SLC1A2: variants seen among roughly 807,000 people sequenced by gnomAD.
The protein encoded by SLC1A2 is excitatory amino acid transporter 2.
Under a neutral mutation model 48.8 loss-of-function variants are expected in SLC1A2, and 15 were observed. The observed-to-expected ratio is 0.31, with a 90% CI of 0.21 to 0.47. SLC1A2 has a LOEUF of 0.47. SLC1A2 is among the 20% of genes least tolerant of loss of function. SLC1A2 has a pLI of 0.99. For missense variants in SLC1A2, 502 were observed against 730.5 expected, an observed-to-expected ratio of 0.69 and a Z score of 3.61; for synonymous variants, 279 against 272.6, an observed-to-expected ratio of 1.02 and a Z score of -0.23.
intron 1 of SLC1A2, among the ~76,000 whole-genome samples, chr11:35,394,830 G>A (rs1474815839): frequency 6.6e-6 from 1 of 152,234 alleles, no homozygotes; most frequent in Non-Finnish European, 1.5e-5. Flanking sequence ...GAAAGGTCAA[G>A]GCACAATAAA....
chr11:35,413,332 C>T (rs537909665), intron 1 of SLC1A2, among the ~76,000 whole-genome samples: 1 of 152,342 alleles, frequency 6.6e-6, no homozygotes, highest in South Asian at 2.1e-4. Flanking sequence ...AGCTTTGCCA[C>T]TCACTGGCTG....
intron 6 of SLC1A2, among the ~76,000 whole-genome samples, chr11:35,300,115 CAG>C (rs1160629714): frequency 2.6e-5 from 4 of 152,274 alleles, no homozygotes; most frequent in Non-Finnish European, 5.9e-5. Context: ...CCCTAGATTT[CAG>C]AGTCACTGAC....
chr11:35,364,100 T>G (rs1853767921), intron 1 of SLC1A2, among the ~76,000 whole-genome samples: 1 of 152,158 alleles, frequency 6.6e-6, no homozygotes, highest in Admixed American at 6.5e-5. Flanking sequence ...GCTCTGACAC[T>G]AAGAACACCA....
chr11:35,262,552 G>A (rs1950409536), intron 10 of SLC1A2, among the ~76,000 whole-genome samples: 1 of 152,264 alleles, frequency 6.6e-6, no homozygotes, highest in Non-Finnish European at 1.5e-5. Flanking sequence ...TTAAAAAGTG[G>A]GAAATAGTGA....
At chr11:35,387,828 A>G (rs1854632779) in intron 1 of SLC1A2, among the ~76,000 whole-genome samples, 2 of 152,108 alleles carry the variant, frequency 1.3e-5, no homozygotes, top group South Asian at 4.1e-4. Flanking sequence ...AAAAAAAAAC[A>G]AAAACAAACA....
intron 1 of SLC1A2, among the ~76,000 whole-genome samples, chr11:35,359,679 C>T (rs568455150): frequency 6.6e-6 from 1 of 152,304 alleles, no homozygotes; most frequent in East Asian, 1.9e-4. Flanking sequence ...TTCAGCGTAC[C>T]AAGTACTTGG....
chr11:35,415,373 T>A (rs1263938220), intron 1 of SLC1A2, among the ~76,000 whole-genome samples: 1 of 152,256 alleles, frequency 6.6e-6, no homozygotes, highest in Non-Finnish European at 1.5e-5. Context: ...CACAAGCGAC[T>A]GTCTTAGTAA....
chr11:35,297,399 C>A (rs113152526), intron 6 of SLC1A2, among the ~76,000 whole-genome samples: 3,655 of 152,218 alleles, frequency 0.024, 147 homozygotes, highest in African/African-American at 0.083. Flanking sequence ...TGAGCCCAAT[C>A]TCTCTCCCCC....
chr11:35,313,339 C>G (rs1297115669), intron 3 of SLC1A2, among the ~76,000 whole-genome samples: 1 of 152,202 alleles, frequency 6.6e-6, no homozygotes, highest in Admixed American at 6.5e-5. Flanking sequence ...CAGCCTCATG[C>G]AGGGATTAGG....
intron 1 of SLC1A2, 58 bp from the exon 2 acceptor site, chr11:35,317,574 A>T: frequency 6.4e-7 from 1 of 1,565,930 alleles, no homozygotes; most frequent in Non-Finnish European, 8.7e-7. Context: ...ATACAGTTTC[A>T]GGGGCTCGAC....
intron 7 of SLC1A2, among the ~76,000 whole-genome samples, chr11:35,289,281 G>A (rs972145017): frequency 4.0e-5 from 6 of 149,882 alleles, no homozygotes; most frequent in Non-Finnish European, 7.4e-5. Flanking sequence ...GATATTTTGT[G>A]GGCTGTCCCT....
chr11:35,294,010 A>T (rs7120037), intron 6 of SLC1A2, among the ~76,000 whole-genome samples: 2,028 of 152,258 alleles, frequency 0.013, 36 homozygotes, highest in African/African-American at 0.047. Flanking sequence ...TGTGCTGCTA[A>T]AAACCCCTCT....
chr11:35,330,145 G>T (rs969656290), intron 1 of SLC1A2, among the ~76,000 whole-genome samples: 1 of 152,116 alleles, frequency 6.6e-6, no homozygotes, highest in Non-Finnish European at 1.5e-5. Context: ...AACCTTTGAG[G>T]CATATGAAGT....
intron 1 of SLC1A2, among the ~76,000 whole-genome samples, chr11:35,324,471 C>G (rs1187794583): frequency 6.6e-6 from 1 of 152,196 alleles, no homozygotes; most frequent in Non-Finnish European, 1.5e-5. Context: ...GAGATGATAT[C>G]TATGAAAGCA....
Position 35,400,920 on chromosome 11 carries a change from G to C in SLC1A2, c.17+18030C>G, listed in dbSNP as rs542864150. Among the ~76,000 whole-genome samples, 72 of 152,268 alleles carry C rather than the reference G, an allele frequency of 4.7e-4. 2 individuals are homozygous for C. The South Asian group carries it at 0.014, about 30-fold the overall frequency. On this transcript the variant is annotated intron_variant, in intron 1 of 10. Transcript: ENST00000278379. ...TTGTTTACACACTTTATACATTTTG[G>C]GGAGACATAAAACATCAATCAATAC...
At position 35,260,942 on chromosome 11, in the gene SLC1A2, C is replaced by G; in HGVS notation, c.1677G>C (p.Lys559Asn). ...ECKVTLAANGKSADCSVEEEP... is the reference protein window; with the variant it reads ...ECKVTLAANGNSADCSVEEEP... ...CTTCCTCAACACTGCAGTCGGCTGA[C>G]TTTCCATTGGCTGCCAGAGTTACCT... The change falls in exon 11 of 11, where the codon AAG becomes AAC. Residue 559 changes from lysine (K) to asparagine (N), a missense_variant. Transcript: ENST00000278379. 6.2e-7 allele frequency: 1 copy of G among 1,613,890 alleles called. No homozygotes were observed. The highest frequency in any genetic ancestry group is 8.5e-7 in the Non-Finnish European group (1 of 1,179,758).
At chr11:35,277,800 A>G (rs925634384) in intron 9 of SLC1A2, among the ~76,000 whole-genome samples, 2 of 152,188 alleles carry the variant, frequency 1.3e-5, no homozygotes, top group Admixed American at 1.3e-4. Flanking sequence ...ATTATCACAC[A>G]GCAACTATGT....
intron 1 of SLC1A2, chr11:35,322,828 T>A (rs1263716239): frequency 5.8e-6 from 4 of 689,674 alleles, no homozygotes; most frequent in Non-Finnish European, 1.1e-5. Flanking sequence ...TTGTCCCACA[T>A]CCAGGGTTTC....
chr11:35,418,107 C>CA (rs1169760635), intron 1 of SLC1A2, among the ~76,000 whole-genome samples: 1 of 152,186 alleles, frequency 6.6e-6, no homozygotes, highest in Non-Finnish European at 1.5e-5. Context: ...GATACTGGTC[C>CA]AAGGACTCTG....
Sources: gnomAD v4.1 joint callset for allele counts (sites outside exome capture counted in the v4.1 genomes callset) on GRCh38, gnomAD v4.1.1 for gene constraint, MANE v1.5 for transcripts, NCBI Gene and HGNC (gene_info 2026-07-23, HGNC 2026-07-21) for gene names.